Variants in MYH10 observed in about 807,000 individuals in gnomAD.
MYH10 encodes myosin-10.
In MYH10, 55 loss-of-function variants were observed where a neutral mutation model predicts 257.8. That is an observed-to-expected ratio of 0.21 (90% CI 0.17 to 0.27). The LOEUF is 0.27. MYH10 is among the 10% of genes least tolerant of loss of function. The pLI is 1.00. For synonymous variants in MYH10, 854 were observed against 921.7 expected (o/e 0.93, Z 1.33); for missense variants, 1,631 against 2,500.6 (o/e 0.65, Z 7.42).
chr17:8,546,087 C>A (rs2082434577), intron 12 of MYH10, among the ~76,000 whole-genome samples: 1 of 150,340 alleles, frequency 6.7e-6, no homozygotes, highest in Non-Finnish European at 1.5e-5. Context: ...GATACGGAGT[C>A]TCGTTCTGTT....
At chr17:8,491,685 T>C (rs952423167) in intron 34 of MYH10, among the ~76,000 whole-genome samples, 5 of 152,222 alleles carry the variant, frequency 3.3e-5, no homozygotes, top group Non-Finnish European at 5.9e-5. Context: ...CCAGGGAACC[T>C]TGCCTTTGAT....
Position 8,475,546 on chromosome 17 carries a change from G to A in MYH10, c.*258C>T. 1 of 420,678 alleles carries A rather than the reference G, an allele frequency of 2.4e-6. No homozygotes were observed. Among genetic ancestry groups the A allele is most frequent in the Middle Eastern group, 6.3e-4 (1 of 1,586 alleles). The allele number at this position is 420,678 out of a possible 1,614,324, so 26.1% of individuals were successfully genotyped here. A position where few individuals can be genotyped will look rare whatever the true frequency, so the allele number is the denominator to read the frequency against. On this transcript the variant is annotated 3_prime_UTR_variant, in exon 43 of 43. Transcript: ENST00000360416. ...ACCATGTTTTATAAAATGGTCTCTT[G>A]ATGACTATATGGAAAATAGATGCAA...
In MYH10 at chr17:8,569,716, T is replaced by C; in HGVS notation, c.756+4A>G. ...TTAAAAGCTTCTGGTGCTTTGAAAC[T>C]TACAAAACGAGATGAGTTATCATTT... On this transcript the variant is annotated splice_donor_region_variant and intron_variant, in intron 7 of 42. Coordinates refer to ENST00000360416, the MANE Select transcript of MYH10 (RefSeq NM_001256012.3). The surrounding 1 kb of genome is among the most constrained non-coding windows in gnomAD (Gnocchi z 4.1). 6.3e-7 allele frequency: 1 copy of C among 1,595,336 alleles called. No homozygotes were observed. Among genetic ancestry groups the C allele is most frequent in the Non-Finnish European group, 8.6e-7 (1 of 1,166,770 alleles).
intron 22 of MYH10, 30 bp downstream of exon 22, chr17:8,513,756 G>A (rs1199698785): frequency 6.2e-7 from 1 of 1,612,230 alleles, no homozygotes; most frequent in South Asian, 1.1e-5. Context: ...CTATTTGAAA[G>A]GGATCTGGAA....
rs999774581 is a variant in MYH10 at position 8,477,640 on chromosome 17, G to A, written c.5707-592C>T. Among the ~76,000 whole-genome samples, 22 of 152,302 alleles carry A rather than the reference G, an allele frequency of 1.4e-4. No individual in the cohort carries two copies. The highest frequency in any genetic ancestry group is 3.4e-3 in the Middle Eastern group (1 of 294). Reference sequence around the variant, plus strand: ...TGTGCTCCGTGTTGCTAGGCCCCAAGGGTGGGGGTGGGAAGGGAAGGCCAG... The same window carrying A: ...TGTGCTCCGTGTTGCTAGGCCCCAAAGGTGGGGGTGGGAAGGGAAGGCCAG... On this transcript the variant is annotated intron_variant, in intron 41 of 42. Transcript: ENST00000360416. The surrounding 1 kb of genome is among the most constrained non-coding windows in gnomAD (Gnocchi z 4.2).
At chr17:8,584,866 G>A (rs1007421895) in intron 4 of MYH10, among the ~76,000 whole-genome samples, 1 of 151,880 alleles carries the variant, frequency 6.6e-6, no homozygotes, top group Admixed American at 6.6e-5. Context: ...ATTTTGAGAC[G>A]GAGTTTCGCT....
intron 17 of MYH10, among the ~76,000 whole-genome samples, chr17:8,525,345 C>T (rs1302039449): frequency 6.6e-6 from 1 of 152,218 alleles, no homozygotes; most frequent in Non-Finnish European, 1.5e-5. Flanking sequence ...GACTGAGCTT[C>T]CCCAGGGAAC....
rs1813203295 is a variant in MYH10 at position 8,492,329 on chromosome 17, G to C, written c.4639C>G (p.Leu1547Val). The change falls in exon 34 of 43, where the codon CTC becomes GTC. Residue 1547 changes from leucine to valine, a missense_variant. Coordinates refer to ENST00000360416, the MANE Select transcript of MYH10 (RefSeq NM_001256012.3). The stretch of plus-strand genomic sequence containing the variant: ...CCCACATCATCTTTGGAGCTCATGA[G>C]GTCTTCCATGTCTGCTCGGAGCTGC... ...NKQLRADMED[L>V]MSSKDDVGKN... 1.2e-6 allele frequency: 2 copies of C among 1,613,466 alleles called. No individual in the cohort carries two copies. The highest frequency in any genetic ancestry group is 3.3e-5 in the Admixed American group (2 of 60,010).
intron 42 of MYH10, 121 bp from the exon 43 acceptor site, chr17:8,476,069 C>A: frequency 1.7e-6 from 2 of 1,161,686 alleles, no homozygotes; most frequent in South Asian, 3.1e-5. Flanking sequence ...GACACACGAC[C>A]TTGTGGGGGT....
At chr17:8,574,816 C>A (rs1162120851) in intron 6 of MYH10, among the ~76,000 whole-genome samples, 2 of 152,200 alleles carry the variant, frequency 1.3e-5, no homozygotes, top group South Asian at 2.1e-4. Flanking sequence ...TTAAGGCAAT[C>A]ATTCAAGTTG....
At chr17:8,541,741 G>A (rs190911983) in intron 14 of MYH10, among the ~76,000 whole-genome samples, 57 of 152,056 alleles carry the variant, frequency 3.7e-4, no homozygotes, top group South Asian at 2.9e-3. Context: ...ATGGATTTAC[G>A]TGACACGTCT....
chr17:8,509,702 A>C (rs2081195163), intron 25 of MYH10, 110 bp downstream of exon 25: 1 of 1,110,642 alleles, frequency 9.0e-7, no homozygotes, highest in Admixed American at 3.0e-5. Context: ...AATGAACCTA[A>C]AATCTTGAGA....
At position 8,492,981 on chromosome 17, in the gene MYH10, A is replaced by G. The variant is rs762725776; in HGVS notation, c.4253T>C (p.Ile1418Thr). The change falls in exon 33 of 43, where the codon ATT becomes ACT. Residue 1418 changes from isoleucine to threonine, a missense_variant. Ile to Thr is a moderately conservative substitution (Grantham distance 89, BLOSUM62 -1). Around this residue, in one of 11 missense-constraint regions of MYH10, gnomAD observed 463 missense variants for 621.8 expected, o/e 0.74. Transcript: ENST00000360416. The stretch of plus-strand genomic sequence containing the variant: ...CTTCTTGGCTTCTTCCAGACTTTCA[A>G]TTGTTCCCAGGTCGTCATCTACTTT... ...KKKVDDDLGT[I>T]ESLEEAKKKL... 42 of 1,613,878 alleles carry G rather than the reference A, an allele frequency of 2.6e-5. No homozygotes were observed. The highest frequency in any genetic ancestry group is 3.4e-5 in the Non-Finnish European group (40 of 1,180,016).
chr17:8,622,742 C>T (rs1254845046), intron 2 of MYH10, among the ~76,000 whole-genome samples, 160 bp downstream of exon 2: 1 of 152,162 alleles, frequency 6.6e-6, no homozygotes. Context: ...AAAAGCAAGA[C>T]ATGGGTAAGC....
chr17:8,512,674 G>A lies in MYH10; in HGVS notation c.2746-17C>T, dbSNP rs1293132504. ...TTCTAAAAGCTGCAATCACAATAAA[G>A]TGTCTGTGATTTGCCCCTATTACAT... On this transcript the variant is annotated splice_polypyrimidine_tract_variant and intron_variant, in intron 23 of 42. Coordinates refer to ENST00000360416, the MANE Select transcript of MYH10 (RefSeq NM_001256012.3). The A allele has an allele frequency of 6.2e-7, 1 of 1,603,612 alleles. No homozygotes were observed. Among genetic ancestry groups the A allele is most frequent in the African/African-American group, 1.3e-5 (1 of 74,666 alleles).
At chr17:8,584,259 G>C (rs983126659) in intron 4 of MYH10, among the ~76,000 whole-genome samples, 13 of 152,222 alleles carry the variant, frequency 8.5e-5, no homozygotes, top group Non-Finnish European at 1.8e-4. Context: ...TAAGGCCAGA[G>C]TGTAAATTAA....
intron 6 of MYH10, among the ~76,000 whole-genome samples, chr17:8,570,024 G>A (rs423862): frequency 0.96 from 146,861 of 152,284 alleles, 71,049 homozygotes; most frequent in East Asian, 1. Flanking sequence ...CTATAAAGTG[G>A]TCACAAGGAG....
Position 8,556,331 on chromosome 17 carries a change from C to CT in MYH10, c.757-2314dup, listed in dbSNP as rs142806109. ...ACTTGTACATGAATGTCCCCAGCCA[C>CT]TTTATTCTTAATAGCCCTAAACTGG... On this transcript the variant is annotated intron_variant, in intron 7 of 42. Coordinates refer to ENST00000360416, the MANE Select transcript of MYH10 (RefSeq NM_001256012.3). 1.8e-4 allele frequency among the ~76,000 whole-genome samples: 27 copies of CT among 152,342 alleles called. No homozygotes were observed. In the East Asian group the frequency reaches 4.4e-3, roughly 25 times the overall value.
chr17:8,486,543 CAAAAAAAAAAAAAA>C (rs67844660), intron 36 of MYH10, among the ~76,000 whole-genome samples: 2 of 120,728 alleles, frequency 1.7e-5, no homozygotes, highest in African/African-American at 6.8e-5. Flanking sequence ...TATTTAGCTT[CAAAAAAAAAAAAAA>C]AAAAAAAAAA....
Sources: gnomAD v4.1 joint callset for allele counts (sites outside exome capture counted in the v4.1 genomes callset) on GRCh38, gnomAD v4.1.1 for gene constraint, gnomAD v4.1.1 regional missense constraint, Gnocchi (gnomAD v3.1) non-coding constraint, MANE v1.5 for transcripts, NCBI Gene and HGNC (gene_info 2026-07-23, HGNC 2026-07-21) for gene names.